Variants in ZFAND3 observed in about 807,000 individuals in gnomAD.
The protein encoded by ZFAND3 is AN1-type zinc finger protein 3.
Under a neutral mutation model 29.6 loss-of-function variants are expected in ZFAND3, and 10 were observed. The ratio of observed to expected loss-of-function variants is 0.34; its 90% confidence interval spans 0.21 to 0.57. ZFAND3 has a LOEUF of 0.57. Ranked by LOEUF, ZFAND3 falls within the 20% of genes least tolerant of loss-of-function variation. ZFAND3 has a pLI of 0.86. For synonymous variants in ZFAND3, 128 were observed against 112.6 expected, an observed-to-expected ratio of 1.14 and a Z score of -0.87; for missense variants, 230 against 304.5, an observed-to-expected ratio of 0.76 and a Z score of 1.82.
intron 4 of ZFAND3, among the ~76,000 whole-genome samples, chr6:38,100,989 A>C (rs1409811933): frequency 6.6e-6 from 1 of 152,228 alleles, no homozygotes; most frequent in East Asian, 1.9e-4. Flanking sequence ...GAATTATTTT[A>C]CACAGCTACA....
intron 4 of ZFAND3, chr6:38,088,345 G>A (rs1040836656): frequency 1.3e-5 from 2 of 152,146 alleles, no homozygotes; most frequent in East Asian, 1.9e-4. Context: ...AATCAAAGCC[G>A]TTGAACTCAT....
chr6:37,838,490 T>A (rs1333078139), intron 1 of ZFAND3, among the ~76,000 whole-genome samples: 2 of 152,192 alleles, frequency 1.3e-5, no homozygotes, highest in African/African-American at 4.8e-5. Flanking sequence ...AGCAGTCACT[T>A]CTCCCCTCAG....
At chr6:38,026,108 CA>C (rs1763442210) in intron 2 of ZFAND3, among the ~76,000 whole-genome samples, 1 of 152,134 alleles carries the variant, frequency 6.6e-6, no homozygotes, top group African/African-American at 2.4e-5. Flanking sequence ...AAATTATTGA[CA>C]AATTCTTTAT....
intron 1 of ZFAND3, among the ~76,000 whole-genome samples, chr6:37,844,746 G>A (rs1050785610): frequency 6.6e-6 from 1 of 151,530 alleles, no homozygotes; most frequent in African/African-American, 2.4e-5. Context: ...TGGGCGCGGT[G>A]GCTTACTCCT....
In ZFAND3 at chr6:38,106,310, G is replaced by A. The variant is rs1765208475; in HGVS notation, c.362-10262G>A. Among the ~76,000 whole-genome samples the A allele has an allele frequency of 2.6e-5, 4 of 151,934 alleles. No homozygotes were observed. The South Asian group carries it at 8.3e-4, about 32-fold the overall frequency. On this transcript the variant is annotated intron_variant, in intron 4 of 5. Coordinates refer to ENST00000287218, the MANE Select transcript of ZFAND3 (RefSeq NM_021943.3). ...TGGGATTATAGGCATGCACCACCAC[G>A]CCCGGTTAACTTTGTATTTTTAGTA...
At chr6:38,125,031 C>T (rs1765609001) in intron 5 of ZFAND3, among the ~76,000 whole-genome samples, 1 of 152,126 alleles carries the variant, frequency 6.6e-6, no homozygotes, top group African/African-American at 2.4e-5. Context: ...AGAAAGTGTC[C>T]CATCCATCCC....
intron 3 of ZFAND3, among the ~76,000 whole-genome samples, chr6:38,080,917 G>A (rs1019358544): frequency 6.6e-6 from 1 of 152,142 alleles, no homozygotes; most frequent in South Asian, 2.1e-4. Flanking sequence ...TGTGGCATTT[G>A]TAGAAAAATG....
intron 5 of ZFAND3, among the ~76,000 whole-genome samples, chr6:38,151,066 G>C (rs1039803173): frequency 2.0e-5 from 3 of 152,158 alleles, no homozygotes; most frequent in Admixed American, 1.3e-4. Flanking sequence ...AGCAGACTCT[G>C]GGGACCTCAG....
intron 5 of ZFAND3, among the ~76,000 whole-genome samples, chr6:38,122,632 A>G (rs1040103227): frequency 1.1e-4 from 16 of 152,150 alleles, no homozygotes; most frequent in African/African-American, 3.9e-4. Flanking sequence ...AATTTCCCCA[A>G]TCCTGGAATC....
At chr6:38,033,107 C>G (rs1285770053) in intron 2 of ZFAND3, among the ~76,000 whole-genome samples, 1 of 152,074 alleles carries the variant, frequency 6.6e-6, no homozygotes, top group East Asian at 1.9e-4. Flanking sequence ...AACACATTAA[C>G]CAAAATGGCT....
At chr6:37,836,412 TAGGAGGTA>T (rs1291546828) in intron 1 of ZFAND3, among the ~76,000 whole-genome samples, 8 of 152,046 alleles carry the variant, frequency 5.3e-5, no homozygotes, top group Admixed American at 5.2e-4. Context: ...TACACTGAGA[TAGGAGGTA>T]AATCAGGTGA....
intron 2 of ZFAND3, among the ~76,000 whole-genome samples, chr6:38,061,082 AAATTGAATACAACTGGACTTCATTT>A (rs1764228641): frequency 6.6e-6 from 1 of 152,196 alleles, no homozygotes; most frequent in Non-Finnish European, 1.5e-5. Context: ...TGTCCCTTGT[AAATTGAATACAACTGGACTTCATTT>A]AGTCCAAATA....
intron 2 of ZFAND3, among the ~76,000 whole-genome samples, chr6:37,960,421 A>C (rs1762174236): frequency 2.0e-5 from 3 of 152,320 alleles, no homozygotes; most frequent in Middle Eastern, 6.8e-3. Flanking sequence ...TCATATACAT[A>C]TACACCCTTT....
At chr6:37,998,158 T>C (rs1225810583) in intron 2 of ZFAND3, among the ~76,000 whole-genome samples, 1 of 152,192 alleles carries the variant, frequency 6.6e-6, no homozygotes, top group Non-Finnish European at 1.5e-5. Flanking sequence ...CAAAAAGACA[T>C]GGATGAATCT....
intron 1 of ZFAND3, among the ~76,000 whole-genome samples, chr6:37,903,515 T>C (rs1765355965): frequency 6.6e-6 from 1 of 152,244 alleles, no homozygotes; most frequent in Non-Finnish European, 1.5e-5. Flanking sequence ...CCTTTCTTGC[T>C]ACCAAGCTTT....
intron 2 of ZFAND3, among the ~76,000 whole-genome samples, chr6:38,027,902 C>G (rs1763479970): frequency 6.6e-6 from 1 of 152,182 alleles, no homozygotes; most frequent in Non-Finnish European, 1.5e-5. Flanking sequence ...TGCTATGGAG[C>G]CTTTCTTTTG....
At chr6:37,992,885 C>T (rs34754573) in intron 2 of ZFAND3, among the ~76,000 whole-genome samples, 11,746 of 152,012 alleles carry the variant, frequency 0.077, 549 homozygotes, top group African/African-American at 0.13. Flanking sequence ...CTGTTTTATA[C>T]AGTGTCCAAC....
At chr6:38,148,094 T>C (rs1766146838) in intron 5 of ZFAND3, among the ~76,000 whole-genome samples, 1 of 152,208 alleles carries the variant, frequency 6.6e-6, no homozygotes, top group Admixed American at 6.5e-5. Context: ...GTTTCAGGTC[T>C]TGAGTTGAAG....
chr6:38,016,521 G>A (rs1465170384), intron 2 of ZFAND3, among the ~76,000 whole-genome samples: 1 of 152,200 alleles, frequency 6.6e-6, no homozygotes, highest in African/African-American at 2.4e-5. Flanking sequence ...AAAGATGGTT[G>A]AGGTTAACTT....
Sources: allele counts gnomAD v4.1 joint callset (sites outside exome capture counted in the v4.1 genomes callset), GRCh38; gene constraint gnomAD v4.1.1; transcripts MANE v1.5; gene names NCBI Gene and HGNC (gene_info 2026-07-23, HGNC 2026-07-21).